AGBL1: variants seen among roughly 807,000 people sequenced by gnomAD.
AGBL1 encodes the protein AGBL carboxypeptidase 1.
AGBL1 carries 130 observed loss-of-function variants against 118.9 expected under a neutral mutation model. The ratio of observed to expected loss-of-function variants is 1.09; its 90% confidence interval spans 0.95 to 1.26. The LOEUF is 1.26. Among genes scored for constraint, AGBL1 ranks in the 50% most tolerant of loss-of-function variants. The pLI, the probability that AGBL1 is intolerant of heterozygous loss-of-function variation, is 0.00. For synonymous variants in AGBL1, 555 were observed against 478.9 expected (o/e 1.16, Z -2.08); for missense variants, 1,584 against 1,298.1 (o/e 1.22, Z -3.38).
intron 22 of AGBL1, among the ~76,000 whole-genome samples, chr15:86,690,689 T>G (rs1326027478): frequency 6.6e-6 from 1 of 152,176 alleles, no homozygotes; most frequent in East Asian, 1.9e-4. Context: ...TGGAAGGTGA[T>G]GCTGAAGGCA....
At chr15:86,534,309 A>G (rs1408264230) in intron 19 of AGBL1, among the ~76,000 whole-genome samples, 2 of 152,178 alleles carry the variant, frequency 1.3e-5, no homozygotes, top group African/African-American at 4.8e-5. Context: ...TGGAAAAGCC[A>G]GAGATTAGAA....
chr15:86,733,168 G>A (rs1261257412), intron 22 of AGBL1, among the ~76,000 whole-genome samples: 1 of 151,912 alleles, frequency 6.6e-6, no homozygotes, highest in Non-Finnish European at 1.5e-5. Context: ...CCATCTGCAA[G>A]TTGGAGAACC....
At chr15:86,932,597 G>A (rs1182134160) in intron 23 of AGBL1, among the ~76,000 whole-genome samples, 2 of 152,188 alleles carry the variant, frequency 1.3e-5, no homozygotes. Flanking sequence ...GAGACAATCA[G>A]TTAGGTCACA....
rs544794247 is a variant in AGBL1, at chr15:86,225,603, C to T, written c.526+652C>T. ...GCCCTGGCCTAATTACGTTGGGAGTCAATTTCATGTGTGCAATATAATAGC... is the reference window on the plus strand; with the variant it reads ...GCCCTGGCCTAATTACGTTGGGAGTTAATTTCATGTGTGCAATATAATAGC... On this transcript the variant is annotated intron_variant, in intron 6 of 22. Coordinates refer to ENST00000614907, the MANE Select transcript of AGBL1 (RefSeq NM_001386094.1). Among the ~76,000 whole-genome samples, 5 of 152,196 alleles carry T rather than the reference C, an allele frequency of 3.3e-5. No individual in the cohort carries two copies. In the East Asian group the frequency reaches 9.7e-4, roughly 29 times the overall value.
chr15:86,223,064 A>G (rs1005227326), intron 5 of AGBL1, among the ~76,000 whole-genome samples: 2 of 152,122 alleles, frequency 1.3e-5, no homozygotes, highest in South Asian at 2.1e-4. Flanking sequence ...GCAAGATTCA[A>G]ATGTGGCTTT....
At chr15:86,884,752 G>C (rs1050863245) in intron 22 of AGBL1, among the ~76,000 whole-genome samples, 1 of 152,132 alleles carries the variant, frequency 6.6e-6, no homozygotes, top group Non-Finnish European at 1.5e-5. Flanking sequence ...GCAGAGGCTG[G>C]AGTGAGCTGA....
intron 22 of AGBL1, among the ~76,000 whole-genome samples, chr15:86,781,841 A>C (rs978805041): frequency 6.6e-6 from 1 of 151,620 alleles, no homozygotes; most frequent in Non-Finnish European, 1.5e-5. Context: ...CTATGATGAC[A>C]CTCTGATCAT....
At chr15:86,501,112 A>C (rs1356396546) in intron 18 of AGBL1, among the ~76,000 whole-genome samples, 1 of 150,634 alleles carries the variant, frequency 6.6e-6, no homozygotes, top group Non-Finnish European at 1.5e-5. Context: ...TGGCTGAACC[A>C]CTTTATATTT....
intron 21 of AGBL1, among the ~76,000 whole-genome samples, chr15:86,556,750 C>A (rs1198219360): frequency 6.6e-6 from 1 of 152,164 alleles, no homozygotes; most frequent in Non-Finnish European, 1.5e-5. Flanking sequence ...ATTCTAAGGT[C>A]ATCTTTCCAT....
intron 24 of AGBL1, among the ~76,000 whole-genome samples, chr15:87,022,273 A>G (rs2081673285): frequency 6.6e-6 from 1 of 152,112 alleles, no homozygotes; most frequent in Admixed American, 6.6e-5. Flanking sequence ...ACACCCCCCA[A>G]AAATCACACT....
intron 18 of AGBL1, among the ~76,000 whole-genome samples, chr15:86,436,290 G>T (rs531091978): frequency 2.6e-5 from 4 of 151,736 alleles, no homozygotes; most frequent in Admixed American, 6.6e-5. Context: ...AGAGTCAGGT[G>T]GGGGAGAAAG....
At chr15:86,567,868 C>T (rs745603629) in intron 21 of AGBL1, among the ~76,000 whole-genome samples, 9 of 152,028 alleles carry the variant, frequency 5.9e-5, no homozygotes, top group East Asian at 1.9e-4. Flanking sequence ...CAAGTGTCCC[C>T]GGACATTCAG....
chr15:86,225,066 C>G lies in AGBL1; in HGVS notation c.526+115C>G, dbSNP rs1357941864. On this transcript the variant is annotated intron_variant, in intron 6 of 22. Coordinates refer to ENST00000614907, the MANE Select transcript of AGBL1 (RefSeq NM_001386094.1). ...TTTTTTTTCATGAACTACTATTTCT[C>G]AATCACCTATGGCTAATTCCTGACC... is the stretch of plus-strand genomic sequence containing the variant. 2.9e-6 allele frequency: 3 copies of G among 1,031,154 alleles called. No individual in the cohort carries two copies. The African/African-American group carries it at 4.9e-5, about 17-fold the overall frequency. 63.9% of individuals were successfully genotyped at this position (1,031,154 alleles called of 1,614,324 possible).
At chr15:86,224,534 C>T (rs1031470571) in intron 5 of AGBL1, among the ~76,000 whole-genome samples, 2 of 152,140 alleles carry the variant, frequency 1.3e-5, no homozygotes, top group Non-Finnish European at 2.9e-5. Context: ...CCTTCCCAGA[C>T]CATCCTCCAG....
At chr15:86,999,636 T>A (rs896703313) in intron 24 of AGBL1, among the ~76,000 whole-genome samples, 1 of 150,640 alleles carries the variant, frequency 6.6e-6, no homozygotes, top group Non-Finnish European at 1.5e-5. Context: ...TTGTTGGACA[T>A]TTGGGTTGGT....
intron 17 of AGBL1, among the ~76,000 whole-genome samples, chr15:86,391,563 A>G (rs1238319194): frequency 2.1e-5 from 3 of 145,692 alleles, no homozygotes; most frequent in Non-Finnish European, 3.0e-5. Context: ...CATTTCTTCT[A>G]CCCCTTAATC....
At chr15:86,610,788 T>C (rs1297169593) in intron 21 of AGBL1, among the ~76,000 whole-genome samples, 3 of 152,216 alleles carry the variant, frequency 2.0e-5, no homozygotes, top group Non-Finnish European at 1.5e-5. Context: ...ACGTATTTTT[T>C]TTTCCTTCTG....
At chr15:86,772,414 T>C (rs567022409) in intron 22 of AGBL1, among the ~76,000 whole-genome samples, 2 of 152,228 alleles carry the variant, frequency 1.3e-5, no homozygotes, top group Admixed American at 6.5e-5. Flanking sequence ...AGTTTACATT[T>C]TATTTGTGGT....
At chr15:86,532,114 A>G (rs1001842892) in intron 19 of AGBL1, among the ~76,000 whole-genome samples, 1 of 150,968 alleles carries the variant, frequency 6.6e-6, no homozygotes, top group Non-Finnish European at 1.5e-5. Flanking sequence ...GGCCAGGGCA[A>G]TCAGGCAGGA....
Sources: gnomAD v4.1 joint callset for allele counts (sites outside exome capture counted in the v4.1 genomes callset) on GRCh38, gnomAD v4.1.1 for gene constraint, MANE v1.5 for transcripts, NCBI Gene and HGNC (gene_info 2026-07-23, HGNC 2026-07-21) for gene names.